DOP1B: variants seen among roughly 807,000 people sequenced by gnomAD.
DOP1B encodes DOP1 leucine zipper like protein B.
DOP1B carries 174 observed loss-of-function variants against 233.5 expected under a neutral mutation model. The ratio of observed to expected loss-of-function variants is 0.75; its 90% CI spans 0.66 to 0.85. The LOEUF is 0.85. Ranked by LOEUF, DOP1B falls within the 40% of genes least tolerant of loss-of-function variation. The pLI is 0.00. For missense variants in DOP1B, 2,652 were observed against 2,846.6 expected (o/e 0.93, Z 1.56); for synonymous variants, 1,190 against 1,185.6 (o/e 1.00, Z -0.08).
chr21:36,205,576 C>T (rs1320789974), intron 4 of DOP1B, among the ~76,000 whole-genome samples: 8 of 151,706 alleles, frequency 5.3e-5, no homozygotes, highest in African/African-American at 1.2e-4. Context: ...TTAGTAGAGA[C>T]GGGGTTTTAC....
chr21:36,216,588 G>A (rs2066562230), intron 9 of DOP1B, among the ~76,000 whole-genome samples: 2 of 152,178 alleles, frequency 1.3e-5, no homozygotes, highest in East Asian at 3.9e-4. Context: ...TCCAGCCTGG[G>A]CAACAGAGTG....
intron 17 of DOP1B, among the ~76,000 whole-genome samples, chr21:36,239,554 G>A (rs559867923): frequency 1.3e-5 from 2 of 152,348 alleles, no homozygotes; most frequent in Non-Finnish European, 2.9e-5. Flanking sequence ...TGAGGCCTGA[G>A]CATTGGGATT....
chr21:36,243,486 G>T (rs1207510058), intron 18 of DOP1B, among the ~76,000 whole-genome samples: 1 of 151,260 alleles, frequency 6.6e-6, no homozygotes, highest in Non-Finnish European at 1.5e-5. Flanking sequence ...AACATGGTTA[G>T]TTTTAAAATG....
chr21:36,283,629 G>A (rs2067444560), intron 32 of DOP1B, among the ~76,000 whole-genome samples: 1 of 152,144 alleles, frequency 6.6e-6, no homozygotes, highest in Non-Finnish European at 1.5e-5. Flanking sequence ...TTAATCAGAC[G>A]GTAACCAGGA....
chr21:36,211,541 G>A lies in DOP1B; in HGVS notation c.682-12G>A. The A allele has an allele frequency of 6.2e-7, 1 of 1,612,722 alleles. No individual in the cohort carries two copies. The highest frequency in any genetic ancestry group is 8.5e-7 in the Non-Finnish European group (1 of 1,178,804). On this transcript the variant is annotated splice_polypyrimidine_tract_variant and intron_variant, in intron 5 of 36. Coordinates refer to ENST00000691173, the MANE Select transcript of DOP1B (RefSeq NM_001320714.2). ...TAGCCTGAAAATGCTAGTGCCGTTT[G>A]ATCGTTTACAGGTGAAGTCTTTGCG...
rs141312847 is a variant in DOP1B, at chr21:36,230,557, C to T, written c.1773C>T (p.Ile591=). 3.3e-5 allele frequency: 54 copies of T among 1,614,102 alleles called. No individual in the cohort carries two copies. The highest frequency in any genetic ancestry group is 9.3e-5 in the African/African-American group (7 of 74,936). Residue 591 remains isoleucine, a synonymous_variant, in exon 14 of 37, where the codon ATC becomes ATT. Coordinates refer to ENST00000691173, the MANE Select transcript of DOP1B (RefSeq NM_001320714.2). ...FPPLKSEDSG[I]GLSASSPELS... Reference sequence around the variant, plus strand: ...CTCTGAAGTCTGAGGACAGTGGGATCGGGCTCAGTGCCTCGTCACCGGAGC... The same window carrying T: ...CTCTGAAGTCTGAGGACAGTGGGATTGGGCTCAGTGCCTCGTCACCGGAGC...
chr21:36,288,793 A>G lies in DOP1B; in HGVS notation c.6335A>G (p.Asp2112Gly), dbSNP rs1299698232. The change falls in exon 34 of 37, where the codon GAT becomes GGT. Residue 2112 changes from aspartate to glycine, a missense_variant. Asp to Gly is a moderately conservative substitution (Grantham distance 94). Transcript: ENST00000691173. ...ACACAGCTTGAAGAAGATCTAAAAG[A>G]TGAAGATGAGTCATTGAGGTAAGCA... The part of the protein sequence containing the change: ...TFTQLEEDLK[D>G]EDESLRSTNK... 2 of 1,613,614 alleles carry G rather than the reference A, an allele frequency of 1.2e-6. No homozygotes were observed. Among genetic ancestry groups the G allele is most frequent in the South Asian group, 2.2e-5 (2 of 91,022 alleles).
At chr21:36,197,498 C>T (rs893891247) in intron 2 of DOP1B, among the ~76,000 whole-genome samples, 14 of 152,208 alleles carry the variant, frequency 9.2e-5, no homozygotes, top group Non-Finnish European at 2.1e-4. Context: ...CCCAACTGCC[C>T]GCTTTGTTCT....
At chr21:36,189,219 T>C (rs2066202014) in intron 2 of DOP1B, among the ~76,000 whole-genome samples, 1 of 152,128 alleles carries the variant, frequency 6.6e-6, no homozygotes, top group African/African-American at 2.4e-5. Context: ...GTTTGAATCT[T>C]TTTTTTTCAA....
At chr21:36,159,592 C>T (rs13049218) in intron 1 of DOP1B, among the ~76,000 whole-genome samples, 6,591 of 152,298 alleles carry the variant, frequency 0.043, 191 homozygotes, top group Non-Finnish European at 0.064. Flanking sequence ...AAACTTCTCT[C>T]GTGTGCTGGT....
intron 27 of DOP1B, among the ~76,000 whole-genome samples, chr21:36,276,002 T>TGG (rs2067345741): frequency 6.6e-6 from 1 of 151,940 alleles, no homozygotes; most frequent in Non-Finnish European, 1.5e-5. Flanking sequence ...AGGAGGATGC[T>TGG]GGAAACGGAG....
At chr21:36,282,234 A>G (rs1185687242) in intron 32 of DOP1B, among the ~76,000 whole-genome samples, 2 of 152,064 alleles carry the variant, frequency 1.3e-5, no homozygotes, top group Admixed American at 1.3e-4. Flanking sequence ...CAGCCTGACC[A>G]ACGTGGTGAA....
intron 27 of DOP1B, among the ~76,000 whole-genome samples, chr21:36,270,389 CT>C (rs1346462736): frequency 3.3e-5 from 5 of 150,340 alleles, no homozygotes; most frequent in African/African-American, 1.2e-4. Flanking sequence ...CCCGTCTCTA[CT>C]AAAAGTAAAA....
At position 36,230,645 on chromosome 21, in the gene DOP1B, G is replaced by A. The variant is rs769794967; in HGVS notation, c.1861G>A (p.Gly621Arg). 31 of 1,614,050 alleles carry A rather than the reference G, an allele frequency of 1.9e-5. 1 individual carries two copies. Among genetic ancestry groups the A allele is most frequent in the Middle Eastern group, 1.6e-4 (1 of 6,084 alleles). Residue 621 changes from glycine (G) to arginine (R), a missense_variant, in exon 14 of 37, where the codon GGG becomes AGG. Physicochemically the swap from Gly to Arg is moderately radical, Grantham distance 125 (BLOSUM62 -2). Coordinates refer to ENST00000691173, the MANE Select transcript of DOP1B (RefSeq NM_001320714.2). The part of the protein sequence containing the change: ...LERDDVWKKG[G>R]SMQRTFLCIQ... ...AAGGGACGACGTTTGGAAGAAGGGC[G>A]GGAGCATGCAGAGGACGTTTCTTTG...
At chr21:36,277,899 C>T (rs1012439101) in intron 28 of DOP1B, 76 bp from the exon 29 acceptor site, 12 of 1,201,642 alleles carry the variant, frequency 1.0e-5, no homozygotes, top group African/African-American at 6.0e-5. Flanking sequence ...TCCTCAGCCT[C>T]CCGAAGTGCT....
chr21:36,186,866 G>C (rs2835306), intron 2 of DOP1B, among the ~76,000 whole-genome samples: 24,923 of 152,016 alleles, frequency 0.16, 2,344 homozygotes, highest in South Asian at 0.21. Flanking sequence ...CTTGTGACAG[G>C]CTTGCTCAGA....
chr21:36,226,118 A>G (rs1021869068), intron 12 of DOP1B, among the ~76,000 whole-genome samples: 5 of 152,194 alleles, frequency 3.3e-5, no homozygotes, highest in African/African-American at 4.8e-5. Context: ...GTCTAGATCA[A>G]ATTGAAATAC....
At chr21:36,192,914 C>G (rs760002600) in intron 2 of DOP1B, among the ~76,000 whole-genome samples, 7 of 152,070 alleles carry the variant, frequency 4.6e-5, no homozygotes, top group Admixed American at 1.3e-4. Context: ...TGGTCTTGAT[C>G]TCCTGACCTC....
intron 23 of DOP1B, among the ~76,000 whole-genome samples, chr21:36,257,578 G>A (rs1010393983): frequency 3.3e-5 from 5 of 151,732 alleles, no homozygotes; most frequent in Admixed American, 3.3e-4. Context: ...TAAAAACATA[G>A]GTTGATACGT....
Sources: allele counts gnomAD v4.1 joint callset (sites outside exome capture counted in the v4.1 genomes callset), GRCh38; gene constraint gnomAD v4.1.1; transcripts MANE v1.5; gene names NCBI Gene and HGNC (gene_info 2026-07-23, HGNC 2026-07-21).